RPS6KA2: variants seen among roughly 807,000 people sequenced by gnomAD.
RPS6KA2 encodes the protein ribosomal protein S6 kinase A2, also known as ribosomal protein S6 kinase alpha-2.
RPS6KA2 carries 42 observed loss-of-function variants against 91.8 expected under a neutral mutation model. That is an observed-to-expected ratio of 0.46 (90% CI 0.36 to 0.59). The LOEUF (loss-of-function observed/expected upper bound fraction) is 0.59, where lower values mean the gene tolerates loss of function less well. RPS6KA2 is among the 20% of genes least tolerant of loss of function. The pLI, the probability that RPS6KA2 is intolerant of heterozygous loss-of-function variation, is 0.00. For synonymous variants in RPS6KA2, 414 were observed against 393.6 expected (o/e 1.05, Z -0.61); for missense variants, 798 against 978.5 (o/e 0.82, Z 2.46).
intron 1 of RPS6KA2, among the ~76,000 whole-genome samples, chr6:166,570,132 G>C (rs1449417899): frequency 6.6e-6 from 1 of 152,198 alleles, no homozygotes; most frequent in African/African-American, 2.4e-5. Context: ...CACAAAAGAA[G>C]CCTACTGAGT....
Position 166,701,685 on chromosome 6 carries a change from C to T in RPS6KA2, c.123+156515G>A, listed in dbSNP as rs1365703282. On this transcript the variant is annotated intron_variant, in intron 2 of 21. Coordinates refer to the RPS6KA2 transcript ENST00000503859. ...AAGGGGGCCCTGAGGTGGGAGGTGG[C>T]ATCCCTGAAGTGGGTGGGAACAGAC... The T allele has an allele frequency of 1.5e-5, 20 of 1,291,232 alleles. No homozygotes were observed. In the Admixed American group the frequency reaches 3.0e-4, roughly 20 times the overall value. The allele number at this position is 1,291,232 out of a possible 1,614,324, so 80.0% of individuals were successfully genotyped here.
chr6:166,436,974 C>G (rs542396981), intron 14 of RPS6KA2, among the ~76,000 whole-genome samples: 2 of 152,132 alleles, frequency 1.3e-5, no homozygotes, highest in African/African-American at 2.4e-5. Flanking sequence ...GTTTCCGTCC[C>G]GGATGCTGTC....
chr6:166,766,407 A>T (rs1379600505), intron 2 of RPS6KA2, among the ~76,000 whole-genome samples: 3 of 152,214 alleles, frequency 2.0e-5, no homozygotes, highest in Non-Finnish European at 4.4e-5. Flanking sequence ...AAATTATTTT[A>T]AAAATGAAGA....
At position 166,500,789 on chromosome 6, in the gene RPS6KA2, A is replaced by G; in HGVS notation, c.604+98T>C. The G allele has an allele frequency of 1.8e-6, 2 of 1,085,750 alleles. No homozygotes were observed. The highest frequency in any genetic ancestry group is 1.3e-5 in the South Asian group (1 of 76,850). The allele number at this position is 1,085,750 out of a possible 1,614,324, so 67.3% of individuals were successfully genotyped here. ...CAGAGACAAGCATCTGGCAAAGGGA[A>G]GGGCGGTGTAAATAAGAGGGCTTGG... On this transcript the variant is annotated intron_variant, in intron 7 of 20. Coordinates refer to ENST00000265678, the MANE Select transcript of RPS6KA2 (RefSeq NM_021135.6). This position sits in a 1 kb window ranked among gnomAD's most constrained non-coding sequence, Gnocchi z 4.3.
At chr6:166,752,396 G>C (rs188684317) in intron 2 of RPS6KA2, among the ~76,000 whole-genome samples, 55 of 152,230 alleles carry the variant, frequency 3.6e-4, no homozygotes, top group Admixed American at 2.0e-3. Flanking sequence ...GTCTAGAGAG[G>C]CAATTTAGAA....
In RPS6KA2 at chr6:166,508,478, C is replaced by T. The variant is rs1472419967; in HGVS notation, c.380-196G>A. On this transcript the variant is annotated intron_variant, in intron 4 of 20. Transcript: ENST00000265678. The surrounding 1 kb of genome is among the most constrained non-coding windows in gnomAD (Gnocchi z 4.3). ...GGGTCTGACACTGTGAGCGCTGCCCCTCTCTCACTGTCGTTAGGGGGCCTT... is the reference window on the plus strand; with the variant it reads ...GGGTCTGACACTGTGAGCGCTGCCCTTCTCTCACTGTCGTTAGGGGGCCTT... 6.7e-6 allele frequency among the ~76,000 whole-genome samples: 1 copy of T among 149,708 alleles called. No homozygotes were observed. Among genetic ancestry groups the T allele is most frequent in the Non-Finnish European group, 1.5e-5 (1 of 67,348 alleles).
chr6:166,596,140 G>A lies in RPS6KA2; in HGVS notation c.99+30781C>T, dbSNP rs111503148. On this transcript the variant is annotated intron_variant, in intron 1 of 20. Transcript: ENST00000265678. ...GATGTGCAGGAGGTTTGGAAGGCGGGGCGGCCTCCAGACAGGGGTCACAGG... is the reference window on the plus strand; with the variant it reads ...GATGTGCAGGAGGTTTGGAAGGCGGAGCGGCCTCCAGACAGGGGTCACAGG... Among the ~76,000 whole-genome samples the A allele has an allele frequency of 2.6e-3, 399 of 152,350 alleles. 3 individuals are homozygous for A. Among genetic ancestry groups the A allele is most frequent in the Non-Finnish European group, 4.8e-3 (328 of 68,032 alleles).
chr6:166,854,835 C>A (rs978832377), intron 2 of RPS6KA2, among the ~76,000 whole-genome samples: 3 of 152,182 alleles, frequency 2.0e-5, no homozygotes, highest in African/African-American at 7.2e-5. Flanking sequence ...CATAATCCCA[C>A]TACTAGGTAT....
intron 2 of RPS6KA2, among the ~76,000 whole-genome samples, chr6:166,774,721 G>T (rs1778567864): frequency 4.6e-5 from 7 of 152,206 alleles, no homozygotes; most frequent in Admixed American, 4.6e-4. Flanking sequence ...CCCATATTGG[G>T]CTCCCAGCAG....
At chr6:166,517,450 GTTTTGTTTTTTTTTTTTTTTT>G (rs1251362198) in intron 3 of RPS6KA2, among the ~76,000 whole-genome samples, 2 of 83,800 alleles carry the variant, frequency 2.4e-5, no homozygotes, top group African/African-American at 1.3e-4. Context: ...GCGTTCTTTT[GTTTTGTTTTTTTTTTTTTTTT>G]TTTTTTTTTT....
intron 2 of RPS6KA2, among the ~76,000 whole-genome samples, chr6:166,844,155 C>G (rs925538336): frequency 6.6e-6 from 1 of 151,908 alleles, no homozygotes; most frequent in Non-Finnish European, 1.5e-5. Flanking sequence ...TAGACTCAAA[C>G]AAGCAGAAGA....
Position 166,635,368 on chromosome 6 carries a change from C to T in RPS6KA2, c.124-96584G>A, listed in dbSNP as rs1321628063. On this transcript the variant is annotated intron_variant, in intron 2 of 21. Coordinates refer to the RPS6KA2 transcript ENST00000503859. This position sits in a 1 kb window ranked among gnomAD's most constrained non-coding sequence, Gnocchi z 4.8. ...GGGGTAGCACAGACAAGCCAGGGTG[C>T]GTTCACTCCCAGGCAGGAAGGGCTT... is the stretch of plus-strand genomic sequence containing the variant. Among the ~76,000 whole-genome samples, 1 of 152,206 alleles carries T rather than the reference C, an allele frequency of 6.6e-6. No individual in the cohort carries two copies. The highest frequency in any genetic ancestry group is 1.5e-5 in the Non-Finnish European group (1 of 68,036).
chr6:166,614,325 CACCTCGAGCCCTCTATCGTAAT>C (rs920145616), intron 1 of RPS6KA2, among the ~76,000 whole-genome samples: 3 of 152,230 alleles, frequency 2.0e-5, no homozygotes, highest in African/African-American at 4.8e-5. Context: ...ATCTAGTGAA[CACCTCGAGCCCTCTATCGTAAT>C]ACCTCGAGCC....
chr6:166,818,536 T>A (rs552499438), intron 2 of RPS6KA2, among the ~76,000 whole-genome samples: 27 of 152,256 alleles, frequency 1.8e-4, no homozygotes, highest in Admixed American at 2.6e-4. Context: ...ATTGCAAAGG[T>A]CCCTTTCTAT....
chr6:166,450,846 C>T (rs10806852), intron 13 of RPS6KA2, among the ~76,000 whole-genome samples: 35,738 of 152,008 alleles, frequency 0.24, 4,664 homozygotes, highest in Middle Eastern at 0.35. Context: ...TGGGGGCCCA[C>T]AATGTGAGAC....
rs565232595 is a variant in RPS6KA2, at chr6:166,484,159, T to C, written c.907+4674A>G. ...AGGAGCACCAAGGGTCAGGCTCGAC[T>C]CAACTCCACACACTTCAGGGCAAGG... is the stretch of plus-strand genomic sequence containing the variant. On this transcript the variant is annotated intron_variant, in intron 10 of 20. Coordinates refer to ENST00000265678, the MANE Select transcript of RPS6KA2 (RefSeq NM_021135.6). Among the ~76,000 whole-genome samples the C allele has an allele frequency of 1.6e-4, 25 of 152,356 alleles. No individual in the cohort carries two copies. The East Asian group carries it at 2.7e-3, about 16-fold the overall frequency.
At chr6:166,451,856 T>G (rs866591725) in intron 12 of RPS6KA2, among the ~76,000 whole-genome samples, 1 of 152,238 alleles carries the variant, frequency 6.6e-6, no homozygotes, top group Non-Finnish European at 1.5e-5. Context: ...GCATGACTGC[T>G]GTGAGATTGA....
chr6:166,503,313 T>C (rs1393526797), intron 6 of RPS6KA2, among the ~76,000 whole-genome samples: 1 of 152,264 alleles, frequency 6.6e-6, no homozygotes, highest in Non-Finnish European at 1.5e-5. Context: ...GCATTTTGCA[T>C]CCTGCAGTGG....
At chr6:166,742,182 G>A (rs1425548959) in intron 2 of RPS6KA2, among the ~76,000 whole-genome samples, 1 of 152,148 alleles carries the variant, frequency 6.6e-6, no homozygotes, top group Non-Finnish European at 1.5e-5. Context: ...CCTGGGCTGA[G>A]TACCATTAAC....
Sources: allele counts gnomAD v4.1 joint callset (sites outside exome capture counted in the v4.1 genomes callset), GRCh38; gene constraint gnomAD v4.1.1; non-coding constraint Gnocchi (gnomAD v3.1); transcripts MANE v1.5; gene names NCBI Gene and HGNC (gene_info 2026-07-23, HGNC 2026-07-21).